The following EPHA6 variants were observed in gnomAD, a reference collection of about 807,000 sequenced individuals.
EPHA6 encodes the protein ephrin type-A receptor 6.
EPHA6 carries 50 observed loss-of-function variants against 112.0 expected under a neutral mutation model. The observed-to-expected ratio is 0.45, with a 90% CI of 0.36 to 0.56. The LOEUF is 0.56. Among genes scored for constraint, EPHA6 ranks in the 20% least tolerant of loss-of-function variants. EPHA6 has a pLI of 0.00. For missense variants in EPHA6, 1,280 were observed against 1,417.4 expected, an observed-to-expected ratio of 0.90 and a Z score of 1.56; for synonymous variants, 529 against 490.7, an observed-to-expected ratio of 1.08 and a Z score of -1.03.
chr3:96,952,087 CT>C (rs899637751), intron 2 of EPHA6, among the ~76,000 whole-genome samples: 1 of 152,104 alleles, frequency 6.6e-6, no homozygotes, highest in Non-Finnish European at 1.5e-5. Flanking sequence ...AGCCTGGGTA[CT>C]TGTCCTCTTG....
At chr3:97,371,719 T>A (rs2085066685) in intron 5 of EPHA6, among the ~76,000 whole-genome samples, 1 of 152,172 alleles carries the variant, frequency 6.6e-6, no homozygotes, top group African/African-American at 2.4e-5. Context: ...CATATTTCTC[T>A]CCTTTCAAAA....
intron 6 of EPHA6, among the ~76,000 whole-genome samples, chr3:97,409,087 T>A (rs1270743755): frequency 1.3e-5 from 2 of 152,068 alleles, no homozygotes; most frequent in African/African-American, 2.4e-5. Context: ...GCAGCCACTG[T>A]AAAATTACCT....
intron 5 of EPHA6, among the ~76,000 whole-genome samples, chr3:97,298,192 T>A (rs920229565): frequency 1.3e-5 from 2 of 152,238 alleles, no homozygotes; most frequent in Non-Finnish European, 2.9e-5. Context: ...TACCAAAACA[T>A]GATATTTCCA....
chr3:97,381,342 C>T (rs2085716985), intron 5 of EPHA6, among the ~76,000 whole-genome samples: 1 of 152,018 alleles, frequency 6.6e-6, no homozygotes, highest in African/African-American at 2.4e-5. Flanking sequence ...CTTAACTTCA[C>T]TGAAGTCACT....
chr3:97,500,441 G>A (rs1278333731), intron 10 of EPHA6, among the ~76,000 whole-genome samples: 1 of 152,060 alleles, frequency 6.6e-6, no homozygotes, highest in Non-Finnish European at 1.5e-5. Context: ...GGCAGGAGAG[G>A]AGCAAAATAG....
At chr3:96,816,355 T>G (rs1057122297) in intron 1 of EPHA6, among the ~76,000 whole-genome samples, 17 of 152,122 alleles carry the variant, frequency 1.1e-4, no homozygotes, top group Admixed American at 8.5e-4. Context: ...ATAATAGATA[T>G]CAGTTACAGT....
intron 6 of EPHA6, among the ~76,000 whole-genome samples, chr3:97,432,684 G>A (rs1207686814): frequency 6.6e-6 from 1 of 152,118 alleles, no homozygotes; most frequent in Non-Finnish European, 1.5e-5. Context: ...CCACATGGCT[G>A]GCAAGGCCTC....
intron 5 of EPHA6, among the ~76,000 whole-genome samples, chr3:97,255,537 A>G (rs1450636588): frequency 1.3e-5 from 2 of 152,198 alleles, no homozygotes; most frequent in Non-Finnish European, 2.9e-5. Flanking sequence ...TTAAACATTT[A>G]TTTTTGTAAA....
intron 6 of EPHA6, among the ~76,000 whole-genome samples, 177 bp downstream of exon 6, chr3:97,405,451 A>G (rs964016886): frequency 6.6e-6 from 1 of 151,936 alleles, no homozygotes; most frequent in Admixed American, 6.6e-5. Flanking sequence ...TAAGTTATTG[A>G]TTAATTTATC....
At chr3:97,180,279 G>T (rs1223490994) in intron 3 of EPHA6, among the ~76,000 whole-genome samples, 1 of 151,954 alleles carries the variant, frequency 6.6e-6, no homozygotes, top group Non-Finnish European at 1.5e-5. Context: ...GTCCTTCAGG[G>T]CATTGGGCAC....
chr3:97,537,316 G>T (rs1239919795), intron 11 of EPHA6, among the ~76,000 whole-genome samples: 1 of 152,016 alleles, frequency 6.6e-6, no homozygotes, highest in East Asian at 1.9e-4. Flanking sequence ...ATTGGTTTTT[G>T]TTCTTCCCCC....
Position 97,352,290 on chromosome 3 carries a change from A to G in EPHA6, c.1607-52860A>G, listed in dbSNP as rs2083853352. On this transcript the variant is annotated intron_variant, in intron 5 of 17. Transcript: ENST00000389672. ...GTAGTTCCCCCAACAGGAGCACCAA[A>G]TTGAACAACTGTCTGTACAAGAAAG... is the stretch of plus-strand genomic sequence containing the variant. 2.0e-5 allele frequency among the ~76,000 whole-genome samples: 3 copies of G among 152,334 alleles called. No homozygotes were observed. The South Asian group carries it at 6.2e-4, about 32-fold the overall frequency.
chr3:97,617,102 G>T (rs374689207), intron 13 of EPHA6, among the ~76,000 whole-genome samples: 1 of 152,098 alleles, frequency 6.6e-6, no homozygotes, highest in Non-Finnish European at 1.5e-5. Context: ...AACCTTATAA[G>T]CCACAAGACA....
chr3:97,068,333 G>A (rs530588599), intron 3 of EPHA6, among the ~76,000 whole-genome samples: 1 of 152,112 alleles, frequency 6.6e-6, no homozygotes, highest in East Asian at 1.9e-4. Context: ...GATCAGGGAG[G>A]GTTGGGACAG....
intron 11 of EPHA6, among the ~76,000 whole-genome samples, chr3:97,577,083 C>A (rs1306313757): frequency 6.6e-6 from 1 of 152,148 alleles, no homozygotes; most frequent in Non-Finnish European, 1.5e-5. Context: ...GTGGTACAAT[C>A]ATGGCCTACT....
intron 3 of EPHA6, among the ~76,000 whole-genome samples, chr3:96,995,532 C>G (rs2107880633): frequency 6.6e-6 from 1 of 152,096 alleles, no homozygotes; most frequent in South Asian, 2.1e-4. Flanking sequence ...GGTATTATTT[C>G]CAAGCAAGAA....
intron 3 of EPHA6, among the ~76,000 whole-genome samples, chr3:97,055,838 C>G (rs893178291): frequency 1.3e-5 from 2 of 151,878 alleles, no homozygotes; most frequent in African/African-American, 4.8e-5. Flanking sequence ...AAGCTTAGTA[C>G]CTAAAAAATA....
intron 5 of EPHA6, among the ~76,000 whole-genome samples, chr3:97,348,577 C>A (rs2083648776): frequency 6.6e-6 from 1 of 151,694 alleles, no homozygotes; most frequent in African/African-American, 2.4e-5. Context: ...ATTGAAAAAG[C>A]ATTTCTTAAG....
chr3:97,416,599 A>T (rs2088143261), intron 6 of EPHA6, among the ~76,000 whole-genome samples: 1 of 152,072 alleles, frequency 6.6e-6, no homozygotes, highest in Non-Finnish European at 1.5e-5. Flanking sequence ...GATGAGCCTG[A>T]AACAGTGAGC....
Sources: gnomAD v4.1 joint callset for allele counts (sites outside exome capture counted in the v4.1 genomes callset) on GRCh38, gnomAD v4.1.1 for gene constraint, MANE v1.5 for transcripts, NCBI Gene and HGNC (gene_info 2026-07-23, HGNC 2026-07-21) for gene names.